FTO: variants seen among roughly 807,000 people sequenced by gnomAD.
FTO encodes FTO alpha-ketoglutarate dependent dioxygenase, also known as alpha-ketoglutarate-dependent dioxygenase FTO.
Under a neutral mutation model 63.9 loss-of-function variants are expected in FTO, and 47 were observed. That is an observed-to-expected ratio of 0.74 (90% CI 0.58 to 0.94). FTO has a LOEUF of 0.94. Ranked by LOEUF, FTO falls within the 40% of genes least tolerant of loss-of-function variation. The pLI, the probability that FTO is intolerant of heterozygous loss-of-function variation, is 0.00. For synonymous variants in FTO, 207 were observed against 224.4 expected (o/e 0.92, Z 0.69); for missense variants, 562 against 618.1 (o/e 0.91, Z 0.96).
chr16:53,794,540 C>A (rs566103103), intron 1 of FTO, among the ~76,000 whole-genome samples: 6 of 152,232 alleles, frequency 3.9e-5, no homozygotes, highest in Admixed American at 3.9e-4. Context: ...AAGCTCACTG[C>A]TTAAAGCCAG....
At position 53,732,659 on chromosome 16, in the gene FTO, G is replaced by A. The variant is rs1367812036; in HGVS notation, c.45+28430G>A. Among the ~76,000 whole-genome samples the A allele has an allele frequency of 3.9e-5, 6 of 152,192 alleles. No individual in the cohort carries two copies. The East Asian group carries it at 1.2e-3, about 29-fold the overall frequency. On this transcript the variant is annotated intron_variant, in intron 1 of 8. Transcript: ENST00000471389. Reference sequence around the variant, plus strand: ...CTTTCCCTTCTGATAAAAGGAGAATGACCTGCTTGGCATGGATGGAGAGAG... The same window carrying A: ...CTTTCCCTTCTGATAAAAGGAGAATAACCTGCTTGGCATGGATGGAGAGAG...
intron 1 of FTO, among the ~76,000 whole-genome samples, chr16:53,797,282 G>T (rs908498385): frequency 3.4e-4 from 52 of 152,224 alleles, no homozygotes; most frequent in African/African-American, 1.1e-3. Flanking sequence ...AACCATTAGG[G>T]TTTACTTTTG....
intron 8 of FTO, among the ~76,000 whole-genome samples, chr16:54,086,759 C>T (rs1177268008): frequency 6.6e-6 from 1 of 152,144 alleles, no homozygotes; most frequent in Non-Finnish European, 1.5e-5. Context: ...TGTCTTCTTT[C>T]TTACAGTAAT....
intron 8 of FTO, among the ~76,000 whole-genome samples, chr16:54,060,789 T>C (rs1330764182): frequency 1.3e-5 from 2 of 152,242 alleles, no homozygotes; most frequent in African/African-American, 4.8e-5. Context: ...TTGTTTGGTC[T>C]ATTGCGGCAG....
At chr16:54,089,526 A>C (rs2086329333) in intron 8 of FTO, among the ~76,000 whole-genome samples, 1 of 152,190 alleles carries the variant, frequency 6.6e-6, no homozygotes, top group South Asian at 2.1e-4. Context: ...TAATGGAAAA[A>C]ACAGATAAAT....
At chr16:53,716,930 G>A (rs1028924094) in intron 1 of FTO, among the ~76,000 whole-genome samples, 7 of 150,314 alleles carry the variant, frequency 4.7e-5, no homozygotes, top group Admixed American at 1.3e-4. Context: ...ATATATTTAT[G>A]ATCTATATTT....
intron 1 of FTO, among the ~76,000 whole-genome samples, chr16:53,755,112 G>C (rs2076890445): frequency 1.3e-5 from 2 of 152,216 alleles, no homozygotes; most frequent in African/African-American, 4.8e-5. Context: ...CTATGACCAA[G>C]ATTAATAGCT....
At chr16:53,900,507 G>A (rs2081376710) in intron 7 of FTO, among the ~76,000 whole-genome samples, 1 of 150,854 alleles carries the variant, frequency 6.6e-6, no homozygotes. Flanking sequence ...ATGAAAGCTA[G>A]CCTTAAACAT....
At chr16:53,835,671 G>A (rs1265888120) in intron 3 of FTO, among the ~76,000 whole-genome samples, 1 of 151,708 alleles carries the variant, frequency 6.6e-6, no homozygotes, top group Non-Finnish European at 1.5e-5. Context: ...CATTGTGTAG[G>A]GCTTTCAATC....
chr16:53,919,945 A>T (rs902864274), intron 7 of FTO, among the ~76,000 whole-genome samples: 28 of 152,242 alleles, frequency 1.8e-4, no homozygotes, highest in Admixed American at 4.6e-4. Flanking sequence ...GAATTTATTC[A>T]TGTAACCAAA....
At chr16:53,728,213 T>C (rs1226548590) in intron 1 of FTO, among the ~76,000 whole-genome samples, 2 of 152,026 alleles carry the variant, frequency 1.3e-5, no homozygotes, top group Admixed American at 6.5e-5. Flanking sequence ...CACTCCAGCC[T>C]GGGCAACAGT....
chr16:53,978,036 T>A (rs539707772), intron 8 of FTO, among the ~76,000 whole-genome samples: 15 of 152,154 alleles, frequency 9.9e-5, no homozygotes, highest in Admixed American at 1.3e-4. Context: ...TTTAAAAAAA[T>A]TTTTTTTGTA....
At chr16:53,767,107 C>T (rs2077225174) in intron 1 of FTO, among the ~76,000 whole-genome samples, 1 of 152,158 alleles carries the variant, frequency 6.6e-6, no homozygotes, top group Non-Finnish European at 1.5e-5. Flanking sequence ...CAGGGCATCT[C>T]CCCACTGGGC....
At chr16:54,079,747 A>C (rs1213930984) in intron 8 of FTO, among the ~76,000 whole-genome samples, 1 of 152,190 alleles carries the variant, frequency 6.6e-6, no homozygotes, top group African/African-American at 2.4e-5. Flanking sequence ...GTCCTATCTA[A>C]GGAGGCAGTC....
intron 8 of FTO, among the ~76,000 whole-genome samples, chr16:54,035,169 G>T (rs55659039): frequency 3.3e-4 from 50 of 152,322 alleles, no homozygotes; most frequent in African/African-American, 1.1e-3. Context: ...TCTTGTTTTT[G>T]CTGTAAAGCA....
chr16:54,113,710 C>T lies in FTO; in HGVS notation c.*1795C>T, dbSNP rs560241269. 2.6e-5 allele frequency: 4 copies of T among 152,222 alleles called. No individual in the cohort carries two copies. Among genetic ancestry groups the T allele is most frequent in the African/African-American group, 9.6e-5 (4 of 41,532 alleles). The allele number at this position is 152,222 out of a possible 1,614,324, so 9.4% of individuals were successfully genotyped here. On this transcript the variant is annotated 3_prime_UTR_variant, in exon 9 of 9. Transcript: ENST00000471389. ...ATCCAGCCCAGTGTTTTCTTTAGCCCCTATGATGTTCATTTTTTGTTATAT... is the reference window on the plus strand; with the variant it reads ...ATCCAGCCCAGTGTTTTCTTTAGCCTCTATGATGTTCATTTTTTGTTATAT...
intron 8 of FTO, chr16:53,993,873 A>G (rs1197526896): frequency 6.6e-6 from 1 of 152,224 alleles, no homozygotes; most frequent in African/African-American, 2.4e-5. Flanking sequence ...TACGGGATAT[A>G]TCCCTAACCT....
chr16:53,968,263 A>G (rs2083239360), intron 8 of FTO, among the ~76,000 whole-genome samples: 1 of 152,174 alleles, frequency 6.6e-6, no homozygotes, highest in African/African-American at 2.4e-5. Context: ...TCCCCATATC[A>G]ATGTGTTGCA....
At chr16:54,055,930 T>C (rs1299179833) in intron 8 of FTO, among the ~76,000 whole-genome samples, 2 of 152,208 alleles carry the variant, frequency 1.3e-5, no homozygotes, top group South Asian at 2.1e-4. Context: ...AAAGTTATTA[T>C]TGTTCAATTG....
Sources: gnomAD v4.1 joint callset for allele counts (sites outside exome capture counted in the v4.1 genomes callset) on GRCh38, gnomAD v4.1.1 for gene constraint, MANE v1.5 for transcripts, NCBI Gene and HGNC (gene_info 2026-07-23, HGNC 2026-07-21) for gene names.